Variants in SFMBT2 observed in about 807,000 individuals in gnomAD.
SFMBT2 encodes the protein scm-like with four MBT domains protein 2.
Under a neutral mutation model 110.1 loss-of-function variants are expected in SFMBT2, and 38 were observed. That is an observed-to-expected ratio of 0.35 (90% CI 0.27 to 0.45). The LOEUF (loss-of-function observed/expected upper bound fraction) is 0.45, where lower values mean the gene tolerates loss of function less well. SFMBT2 is among the 20% of genes least tolerant of loss of function. The pLI, the probability that SFMBT2 is intolerant of heterozygous loss-of-function variation, is 1.00. For synonymous variants in SFMBT2, 425 were observed against 425.4 expected (o/e 1.00, Z 0.01); for missense variants, 1,011 against 1,094.9 (o/e 0.92, Z 1.08).
chr10:7,296,536 T>G (rs532469548), intron 4 of SFMBT2, among the ~76,000 whole-genome samples: 5 of 152,258 alleles, frequency 3.3e-5, no homozygotes, highest in South Asian at 2.1e-4. Context: ...CATTCAAATT[T>G]TTCCCAATAT....
intron 4 of SFMBT2, among the ~76,000 whole-genome samples, chr10:7,341,300 TTC>T (rs1208591584): frequency 6.6e-6 from 1 of 152,194 alleles, no homozygotes; most frequent in Non-Finnish European, 1.5e-5. Flanking sequence ...GCTACAGCTA[TTC>T]AGTAACACAA....
Position 7,292,328 on chromosome 10 carries a change from G to A in SFMBT2, c.437-6374C>T, listed in dbSNP as rs552903019. 4 of 236,176 alleles carry A rather than the reference G, an allele frequency of 1.7e-5. No homozygotes were observed. In the East Asian group the frequency reaches 7.2e-4, roughly 42 times the overall value. 14.6% of individuals were successfully genotyped at this position (236,176 alleles called of 1,614,324 possible). On this transcript the variant is annotated intron_variant, in intron 4 of 20. Transcript: ENST00000397167. ...TGGAAGCACCTGCTCTTACTATTAA[G>A]AAAAAAAGATGACAGAGTTCTTTCC...
At chr10:7,350,902 TC>T (rs1437171192) in intron 4 of SFMBT2, among the ~76,000 whole-genome samples, 15 of 152,194 alleles carry the variant, frequency 9.9e-5, no homozygotes, top group Non-Finnish European at 2.2e-4. Flanking sequence ...GGCTGGCAAT[TC>T]CCTTGGTAGT....
At chr10:7,290,395 C>T (rs2131856893) in intron 4 of SFMBT2, among the ~76,000 whole-genome samples, 1 of 152,246 alleles carries the variant, frequency 6.6e-6, no homozygotes, top group African/African-American at 2.4e-5. Context: ...TAATACCTCA[C>T]TTTGGAGAAG....
chr10:7,376,090 T>C (rs1564464906), intron 2 of SFMBT2, among the ~76,000 whole-genome samples: 4 of 152,178 alleles, frequency 2.6e-5, no homozygotes, highest in African/African-American at 9.7e-5. Context: ...ATCAGGAAAT[T>C]TCACGTCGCA....
Position 7,163,672 on chromosome 10 carries a change from G to A in SFMBT2, c.*98C>T. ...GGTTTTCTGGTGATACTTAGTGGCT[G>A]TACCATTTAACATATCCCGGAAAAT... On this transcript the variant is annotated 3_prime_UTR_variant, in exon 21 of 21. Transcript: ENST00000397167. The surrounding 1 kb of genome is among the most constrained non-coding windows in gnomAD (Gnocchi z 4.8). 9.1e-7 allele frequency: 1 copy of A among 1,100,952 alleles called. No homozygotes were observed. Among genetic ancestry groups the A allele is most frequent in the South Asian group, 1.5e-5 (1 of 67,760 alleles). 68.2% of individuals were successfully genotyped at this position (1,100,952 alleles called of 1,614,324 possible). A position where few individuals can be genotyped will look rare whatever the true frequency, so the allele number is the denominator to read the frequency against.
intron 9 of SFMBT2, among the ~76,000 whole-genome samples, chr10:7,240,060 A>G (rs1840383643): frequency 6.6e-6 from 1 of 152,174 alleles, no homozygotes; most frequent in Non-Finnish European, 1.5e-5. Flanking sequence ...TTACCTTTTA[A>G]TAGGTAACAC....
intron 4 of SFMBT2, among the ~76,000 whole-genome samples, chr10:7,317,620 A>C (rs1208610175): frequency 6.8e-6 from 1 of 147,118 alleles, no homozygotes; most frequent in East Asian, 2.0e-4. Flanking sequence ...GAGCCTGGGC[A>C]ACAAGAACAA....
chr10:7,180,068 G>A (rs925196531), intron 16 of SFMBT2, among the ~76,000 whole-genome samples: 6 of 152,044 alleles, frequency 3.9e-5, no homozygotes, highest in Admixed American at 2.0e-4. Flanking sequence ...TGGGGGGCTT[G>A]TTGCCCCACC....
intron 4 of SFMBT2, among the ~76,000 whole-genome samples, chr10:7,358,592 G>A (rs540427266): frequency 2.0e-5 from 3 of 152,194 alleles, no homozygotes; most frequent in African/African-American, 7.2e-5. Flanking sequence ...CATGGCCCTA[G>A]AACATCTGCA....
intron 1 of SFMBT2, among the ~76,000 whole-genome samples, chr10:7,392,043 C>T (rs1447889377): frequency 6.6e-6 from 1 of 152,166 alleles, no homozygotes; most frequent in African/African-American, 2.4e-5. Flanking sequence ...TCCTACATCT[C>T]TGATGTCTCC....
chr10:7,248,598 T>G lies in SFMBT2; in HGVS notation c.922A>C (p.Thr308Pro). ...HFFTVGMKLE[T>P]VNMCEPFYIS... ...TAAAAGGGCTCGCACATATTCACTG[T>G]CTCAAGCTTCATCCCAACTGTGAAG... Residue 308 changes from threonine to proline, a missense_variant, in exon 8 of 21, where the codon ACA becomes CCA. By Grantham distance (38) the Thr-to-Pro change is conservative. Transcript: ENST00000397167. 1 of 1,614,172 alleles carries G rather than the reference T, an allele frequency of 6.2e-7. No homozygotes were observed. The highest frequency in any genetic ancestry group is 8.5e-7 in the Non-Finnish European group (1 of 1,180,018).
chr10:7,239,536 C>T (rs753573183), intron 9 of SFMBT2, among the ~76,000 whole-genome samples: 4 of 152,178 alleles, frequency 2.6e-5, no homozygotes, highest in African/African-American at 4.8e-5. Context: ...TCACCACCAC[C>T]ACCTCCTCCT....
intron 16 of SFMBT2, among the ~76,000 whole-genome samples, chr10:7,179,301 T>G (rs1283623923): frequency 6.7e-6 from 1 of 149,328 alleles, no homozygotes; most frequent in Non-Finnish European, 1.5e-5. Flanking sequence ...ATTGACCCTA[T>G]GTGTAGAGAC....
chr10:7,323,898 G>A (rs75357428), intron 4 of SFMBT2, among the ~76,000 whole-genome samples: 1,606 of 152,204 alleles, frequency 0.011, 33 homozygotes, highest in African/African-American at 0.037. Context: ...CAGAGACATA[G>A]GCAGAGACAG....
chr10:7,225,518 G>T (rs1051367185), intron 10 of SFMBT2, among the ~76,000 whole-genome samples: 3 of 152,178 alleles, frequency 2.0e-5, no homozygotes, highest in African/African-American at 4.8e-5. Context: ...CATAAACGGA[G>T]TGCCAGAAAC....
intron 7 of SFMBT2, among the ~76,000 whole-genome samples, chr10:7,256,667 C>T (rs369329986): frequency 8.5e-5 from 13 of 152,250 alleles, no homozygotes; most frequent in African/African-American, 2.6e-4. Flanking sequence ...GACTTCCATG[C>T]GATGTTATCG....
chr10:7,249,481 T>C (rs2131735011), intron 7 of SFMBT2: 3 of 977,430 alleles, frequency 3.1e-6, no homozygotes, highest in Non-Finnish European at 3.6e-6. Flanking sequence ...GATAAATGAA[T>C]GTATTTGCAG....
At chr10:7,339,583 T>C (rs957599314) in intron 4 of SFMBT2, among the ~76,000 whole-genome samples, 37 of 152,220 alleles carry the variant, frequency 2.4e-4, no homozygotes, top group African/African-American at 8.9e-4. Context: ...AGAGCTGTGA[T>C]CTTCATCACC....
Sources: gnomAD v4.1 joint callset for allele counts (sites outside exome capture counted in the v4.1 genomes callset) on GRCh38, gnomAD v4.1.1 for gene constraint, Gnocchi (gnomAD v3.1) non-coding constraint, MANE v1.5 for transcripts, NCBI Gene and HGNC (gene_info 2026-07-23, HGNC 2026-07-21) for gene names.